Variants in CLSTN3 observed in about 807,000 individuals in gnomAD.
The protein encoded by CLSTN3 is calsyntenin 3.
Under a neutral mutation model 95.9 loss-of-function variants are expected in CLSTN3, and 36 were observed. That is an observed-to-expected ratio of 0.38 (90% CI 0.29 to 0.50). CLSTN3 has a LOEUF of 0.50. CLSTN3 is among the 20% of genes least tolerant of loss of function. CLSTN3 has a pLI of 0.95. For missense variants in CLSTN3, 1,084 were observed against 1,268.8 expected, an observed-to-expected ratio of 0.85 and a Z score of 2.21; for synonymous variants, 481 against 504.0, an observed-to-expected ratio of 0.95 and a Z score of 0.61.
chr12:7,140,161 T>A (rs928641668), intron 8 of CLSTN3, among the ~76,000 whole-genome samples: 1 of 152,094 alleles, frequency 6.6e-6, no homozygotes, highest in African/African-American at 2.4e-5. Flanking sequence ...ATGGACTGGA[T>A]GTGGAGGCTG....
Position 7,133,561 on chromosome 12 carries a change from C to T in CLSTN3, c.188-12C>T, listed in dbSNP as rs199554289. 49 of 1,613,674 alleles carry T rather than the reference C, an allele frequency of 3.0e-5. No individual in the cohort carries two copies. Among genetic ancestry groups the T allele is most frequent in the South Asian group, 3.0e-4 (27 of 91,046 alleles). The stretch of plus-strand genomic sequence containing the variant: ...ACAGCAGCCTCACTCCTCCCCTTCT[C>T]CCCTTTGCCAGGTGAGATCTGCGGC... On this transcript the variant is annotated splice_polypyrimidine_tract_variant and intron_variant, in intron 2 of 17. Transcript: ENST00000266546. The surrounding 1 kb of genome is among the most constrained non-coding windows in gnomAD (Gnocchi z 4.7).
rs952724285 is a variant in CLSTN3, at chr12:7,137,286, A to T, written c.1210+176A>T. On this transcript the variant is annotated intron_variant, in intron 7 of 17. Transcript: ENST00000266546. This position sits in a 1 kb window ranked among gnomAD's most constrained non-coding sequence, Gnocchi z 4.4. Reference sequence around the variant, plus strand: ...CTTTATCCCCAACATGACATGTTGGATCGTACTGCTGTCAGAGTGCAATGG... The same window carrying T: ...CTTTATCCCCAACATGACATGTTGGTTCGTACTGCTGTCAGAGTGCAATGG... 9.4e-6 allele frequency: 6 copies of T among 640,214 alleles called. No individual in the cohort carries two copies. The African/African-American group carries it at 1.1e-4, about 12-fold the overall frequency. The allele number at this position is 640,214 out of a possible 1,614,324, so 39.7% of individuals were successfully genotyped here. A position where few individuals can be genotyped will look rare whatever the true frequency, so the allele number is the denominator to read the frequency against.
intron 16 of CLSTN3, among the ~76,000 whole-genome samples, chr12:7,155,542 A>T (rs1287173926): frequency 1.3e-5 from 2 of 152,220 alleles, no homozygotes; most frequent in African/African-American, 4.8e-5. Flanking sequence ...GCCTGGGCTT[A>T]GCCACTGGGC....
chr12:7,132,780 C>G, intron 1 of CLSTN3: 1 of 604,714 alleles, frequency 1.7e-6, no homozygotes, highest in Non-Finnish European at 3.0e-6. Flanking sequence ...ACCCCCAGGG[C>G]AGGTTGTTTC....
At chr12:7,146,861 T>C (rs1939629208) in intron 12 of CLSTN3, among the ~76,000 whole-genome samples, 1 of 152,212 alleles carries the variant, frequency 6.6e-6, no homozygotes, top group Non-Finnish European at 1.5e-5. Context: ...CAGGGTCATC[T>C]GGGATTGTTT....
chr12:7,148,894 C>T (rs752105732), intron 12 of CLSTN3, 78 bp from the exon 13 acceptor site: 130 of 1,185,824 alleles, frequency 1.1e-4, no homozygotes, highest in Admixed American at 2.1e-4. Context: ...GTAGCTGGGG[C>T]GGGGAGTGAA....
At chr12:7,152,083 A>G (rs1939733724) in intron 16 of CLSTN3, among the ~76,000 whole-genome samples, 1 of 151,668 alleles carries the variant, frequency 6.6e-6, no homozygotes, top group Non-Finnish European at 1.5e-5. Flanking sequence ...AAAAGAAAGA[A>G]GAAGACGAGG....
In CLSTN3 at chr12:7,135,852, A is replaced by G. The variant is rs140777946; in HGVS notation, c.641A>G (p.Tyr214Cys). The G allele has an allele frequency of 9.4e-5, 152 of 1,613,940 alleles. No individual in the cohort carries two copies. In the African/African-American group the frequency reaches 1.8e-3, roughly 19 times the overall value. ...CTGCAGTACAGTGGTGAGAGGCTCT[A>G]TAAGTTTACAGTGACAGCTTATGAC... ...EKLQYSGERL[Y>C]KFTVTAYDCG... The change falls in exon 5 of 18, where the codon TAT becomes TGT. Residue 214 changes from tyrosine (Y) to cysteine (C), a missense_variant. Transcript: ENST00000266546.
Position 7,157,491 on chromosome 12 carries a change from A to G in CLSTN3, c.2530A>G (p.Ile844Val). The change falls in exon 17 of 18, where the codon ATA becomes GTA. Residue 844 changes from isoleucine (I) to valine (V), a missense_variant and splice_region_variant. Ile to Val is a conservative substitution (Grantham distance 29). Transcript: ENST00000266546. This position sits in a 1 kb window ranked among gnomAD's most constrained non-coding sequence, Gnocchi z 5.9. ...SLASSHRNSM[I>V]PSAATLIIVV... Reference sequence around the variant, plus strand: ...TCACCCCCGCGCTCTCTCTGCAGTGATACCCAGCGCCGCAACCCTCATCAT... The same window carrying G: ...TCACCCCCGCGCTCTCTCTGCAGTGGTACCCAGCGCCGCAACCCTCATCAT... 1.9e-6 allele frequency: 3 copies of G among 1,574,234 alleles called. No homozygotes were observed. Among genetic ancestry groups the G allele is most frequent in the Non-Finnish European group, 2.6e-6 (3 of 1,158,696 alleles).
chr12:7,148,156 A>AAAAG (rs55677407), intron 12 of CLSTN3, among the ~76,000 whole-genome samples: 18,876 of 135,232 alleles, frequency 0.14, 1,564 homozygotes, highest in Admixed American at 0.2. Context: ...AACTCCATCA[A>AAAAG]AAAGAAAGAA....
In CLSTN3 at chr12:7,149,532, C is replaced by T. The variant is rs201679632; in HGVS notation, c.2084C>T (p.Thr695Ile). Reference sequence around the variant, plus strand: ...ACTATCCCCAACCCAGTGACAGACACACGCATGTCGGATGAGATTGTGCAC... The same window carrying T: ...ACTATCCCCAACCCAGTGACAGACATACGCATGTCGGATGAGATTGTGCAC... ...DESWQGTVTD[T>I]RMSDEIVHNL... The change falls in exon 14 of 18, where the codon ACA becomes ATA. Residue 695 changes from threonine (T) to isoleucine (I), a missense_variant. By Grantham distance (89) the Thr-to-Ile change is moderately conservative. Coordinates refer to ENST00000266546, the MANE Select transcript of CLSTN3 (RefSeq NM_014718.4). The surrounding 1 kb of genome is among the most constrained non-coding windows in gnomAD (Gnocchi z 4.5). The T allele has an allele frequency of 1.2e-6, 2 of 1,612,176 alleles. No individual in the cohort carries two copies. Among genetic ancestry groups the T allele is most frequent in the Non-Finnish European group, 1.7e-6 (2 of 1,178,956 alleles).
At position 7,133,794 on chromosome 12, in the gene CLSTN3, C is replaced by A; in HGVS notation, c.383+26C>A. ...GTGAGGAAGTCCTTGTCTCCTGCCC[C>A]ATGTGTTGCAGGGTCCTCCTCCCTG... On this transcript the variant is annotated intron_variant, in intron 3 of 17. Coordinates refer to ENST00000266546, the MANE Select transcript of CLSTN3 (RefSeq NM_014718.4). This position sits in a 1 kb window ranked among gnomAD's most constrained non-coding sequence, Gnocchi z 4.7. 6.5e-7 allele frequency: 1 copy of A among 1,533,366 alleles called. No homozygotes were observed. The highest frequency in any genetic ancestry group is 8.8e-7 in the Non-Finnish European group (1 of 1,141,334). The allele number at this position is 1,533,366 out of a possible 1,614,324, so 95.0% of individuals were successfully genotyped here.
intron 16 of CLSTN3, among the ~76,000 whole-genome samples, chr12:7,155,419 A>G (rs1220818913): frequency 1.3e-5 from 2 of 152,058 alleles, no homozygotes; most frequent in African/African-American, 4.8e-5. Flanking sequence ...GCTCGGAGGG[A>G]CACTGCATTG....
intron 1 of CLSTN3, chr12:7,132,694 A>G (rs191102187): frequency 3.1e-5 from 18 of 572,600 alleles, no homozygotes; most frequent in Non-Finnish European, 5.3e-5. Context: ...TCCATTCTCT[A>G]GCACGTGAAA....
chr12:7,154,287 C>T (rs751741461), intron 16 of CLSTN3, among the ~76,000 whole-genome samples: 9 of 152,326 alleles, frequency 5.9e-5, no homozygotes, highest in South Asian at 2.1e-4. Flanking sequence ...GTGAGAGGTA[C>T]GATCTCCTCC....
chr12:7,153,382 C>T (rs924673700), intron 16 of CLSTN3, among the ~76,000 whole-genome samples: 5 of 152,248 alleles, frequency 3.3e-5, no homozygotes, highest in East Asian at 1.9e-4. Flanking sequence ...TAGGCTCAAG[C>T]GGTCATCCTG....
Position 7,130,612 on chromosome 12 carries a change from G to A in CLSTN3, c.-37G>A. ...CCGCAGGCTGGAGGCTCCCAGGGGA[G>A]GCAAACGCCTGGCCCTGCCCTGCCC... On this transcript the variant is annotated 5_prime_UTR_variant, in exon 1 of 18. Coordinates refer to ENST00000266546, the MANE Select transcript of CLSTN3 (RefSeq NM_014718.4). 1 of 1,553,138 alleles carries A rather than the reference G, an allele frequency of 6.4e-7. No individual in the cohort carries two copies. Among genetic ancestry groups the A allele is most frequent in the South Asian group, 1.2e-5 (1 of 84,302 alleles).
At chr12:7,154,901 TGC>T (rs1939789470) in intron 16 of CLSTN3, among the ~76,000 whole-genome samples, 1 of 152,222 alleles carries the variant, frequency 6.6e-6, no homozygotes, top group Non-Finnish European at 1.5e-5. Context: ...TGAGATGCTA[TGC>T]AGTTGCTACC....
chr12:7,155,111 C>T (rs1399955259), intron 16 of CLSTN3, among the ~76,000 whole-genome samples: 1 of 152,158 alleles, frequency 6.6e-6, no homozygotes, highest in African/African-American at 2.4e-5. Flanking sequence ...CCACTGTCCT[C>T]GCAATCCCAT....
Sources: allele counts gnomAD v4.1 joint callset (sites outside exome capture counted in the v4.1 genomes callset), GRCh38; gene constraint gnomAD v4.1.1; non-coding constraint Gnocchi (gnomAD v3.1); transcripts MANE v1.5; gene names NCBI Gene and HGNC (gene_info 2026-07-23, HGNC 2026-07-21).